Variants in AKT2 observed in about 807,000 individuals in gnomAD.
AKT2 encodes the protein RAC-beta serine/threonine-protein kinase.
AKT2 carries 16 observed loss-of-function variants against 58.6 expected under a neutral mutation model. The observed-to-expected ratio is 0.27, with a 90% CI of 0.18 to 0.41. The LOEUF (loss-of-function observed/expected upper bound fraction) is 0.41. Ranked by LOEUF, AKT2 falls within the 10% of genes least tolerant of loss-of-function variation. AKT2 has a pLI of 1.00. For missense variants in AKT2, 438 were observed against 661.0 expected (o/e 0.66, Z 3.70); for synonymous variants, 253 against 254.0 (o/e 1.00, Z 0.04).
chr19:40,241,627 G>A (rs1974411314), intron 6 of AKT2: 1 of 430,300 alleles, frequency 2.3e-6, no homozygotes. Context: ...GCAAAGCCCG[G>A]GACTCCCCAA....
chr19:40,276,345 CTTTTTTTTTTTTTTTTTTTTTTTTTTT>C (rs748551877), intron 1 of AKT2, among the ~76,000 whole-genome samples: 19 of 58,458 alleles, frequency 3.3e-4, no homozygotes, highest in Non-Finnish European at 6.0e-4. Context: ...AAAATGGAAT[CTTTTTTTTTTTTTTTTTTTTTTTTTTT>C]TTTTTTTTTT....
chr19:40,249,444 G>A (rs1346284593), intron 4 of AKT2, among the ~76,000 whole-genome samples: 2 of 152,162 alleles, frequency 1.3e-5, no homozygotes, highest in African/African-American at 2.4e-5. Flanking sequence ...GGAGAGACAC[G>A]GCAGCTGGCC....
In AKT2 at chr19:40,233,863, G is replaced by A. The variant is rs79275829; in HGVS notation, c.*9C>T. 9.7e-3 allele frequency: 15,627 copies of A among 1,610,172 alleles called. 115 individuals are homozygous for A. Among genetic ancestry groups the A allele is most frequent in the Middle Eastern group, 0.028 (169 of 6,054 alleles). ...CAGCGAGCGTGCGTCCTCTGCGTGG[G>A]CAGACTGCTCACTCGCGGATGCTGG... On this transcript the variant is annotated 3_prime_UTR_variant, in exon 14 of 14. Coordinates refer to ENST00000392038, the MANE Select transcript of AKT2 (RefSeq NM_001626.6). The surrounding 1 kb of genome is among the most constrained non-coding windows in gnomAD (Gnocchi z 4.3).
At position 40,235,518 on chromosome 19, in the gene AKT2, G is replaced by A; in HGVS notation, c.1176-168C>T. ...CAGGGAGGGAGCTCACGTGCCCAGG[G>A]TCAGAGCCAGGGAGTCAGCAACCCG... On this transcript the variant is annotated intron_variant, in intron 11 of 13. Transcript: ENST00000392038. This position sits in a 1 kb window ranked among gnomAD's most constrained non-coding sequence, Gnocchi z 6.3. 1.4e-6 allele frequency: 1 copy of A among 723,230 alleles called. No homozygotes were observed. The highest frequency in any genetic ancestry group is 1.6e-5 in the South Asian group (1 of 63,346). 44.8% of individuals were successfully genotyped at this position (723,230 alleles called of 1,614,324 possible).
In AKT2 at chr19:40,239,922, C is replaced by T. The variant is rs778668771; in HGVS notation, c.639+123G>A. On this transcript the variant is annotated intron_variant, in intron 7 of 13. Coordinates refer to ENST00000392038, the MANE Select transcript of AKT2 (RefSeq NM_001626.6). Reference sequence around the variant, plus strand: ...CGGATGACTTGGCAGGGCGCAGCAACACCTTGCCCTGCCCGCCTGGCCTAC... The same window carrying T: ...CGGATGACTTGGCAGGGCGCAGCAATACCTTGCCCTGCCCGCCTGGCCTAC... 1.5e-5 allele frequency: 19 copies of T among 1,234,468 alleles called. No individual in the cohort carries two copies. In the African/African-American group the frequency reaches 2.5e-4, roughly 16 times the overall value. 76.5% of individuals were successfully genotyped at this position (1,234,468 alleles called of 1,614,324 possible). A position where few individuals can be genotyped will look rare whatever the true frequency, so the allele number is the denominator to read the frequency against.
At chr19:40,281,528 TGAA>T (rs1170843103) in intron 1 of AKT2, among the ~76,000 whole-genome samples, 2 of 151,706 alleles carry the variant, frequency 1.3e-5, no homozygotes, top group East Asian at 3.9e-4. Context: ...GCCTGACCTC[TGAA>T]AAGACTCCAG....
chr19:40,265,827 C>T (rs964685069), intron 1 of AKT2, among the ~76,000 whole-genome samples: 2 of 152,162 alleles, frequency 1.3e-5, no homozygotes, highest in Non-Finnish European at 2.9e-5. Flanking sequence ...TCTCTCTCCC[C>T]TCTCCCTTCT....
chr19:40,268,833 A>G (rs1976535403), intron 1 of AKT2: 1 of 152,452 alleles, frequency 6.6e-6, no homozygotes. Flanking sequence ...AGCCAAGAAG[A>G]TGGCTGGCTT....
intron 1 of AKT2, among the ~76,000 whole-genome samples, chr19:40,278,865 C>T (rs553590009): frequency 3.3e-5 from 5 of 150,776 alleles, no homozygotes; most frequent in Admixed American, 2.6e-4. Flanking sequence ...AGAAATAAGG[C>T]CCCAGAGCTC....
chr19:40,245,370 C>T (rs1363007430), intron 4 of AKT2, among the ~76,000 whole-genome samples: 1 of 152,126 alleles, frequency 6.6e-6, no homozygotes, highest in Non-Finnish European at 1.5e-5. Flanking sequence ...AAGACCACGC[C>T]TTTATAAAAA....
chr19:40,258,023 G>A (rs1400357868), intron 2 of AKT2, among the ~76,000 whole-genome samples: 2 of 151,942 alleles, frequency 1.3e-5, no homozygotes, highest in Admixed American at 6.6e-5. Flanking sequence ...GAGGCGAGCG[G>A]ATCACCTGAG....
At chr19:40,258,711 G>A (rs1221808684) in intron 2 of AKT2, among the ~76,000 whole-genome samples, 1 of 150,414 alleles carries the variant, frequency 6.6e-6, no homozygotes, top group African/African-American at 2.4e-5. Flanking sequence ...CTTAACCAAG[G>A]GGGTGAAGGG....
At chr19:40,249,185 G>A (rs532389995) in intron 4 of AKT2, among the ~76,000 whole-genome samples, 1 of 152,174 alleles carries the variant, frequency 6.6e-6, no homozygotes, top group Non-Finnish European at 1.5e-5. Context: ...AAGGGTTTTA[G>A]TCAGGGGGGA....
intron 2 of AKT2, among the ~76,000 whole-genome samples, chr19:40,261,151 A>G (rs1307438116): frequency 2.6e-5 from 4 of 152,238 alleles, no homozygotes; most frequent in African/African-American, 9.6e-5. Flanking sequence ...TTGATCCCCA[A>G]TGCAGCCTCA....
chr19:40,248,703 G>T (rs1974917719), intron 4 of AKT2, among the ~76,000 whole-genome samples: 1 of 152,254 alleles, frequency 6.6e-6, no homozygotes, highest in Non-Finnish European at 1.5e-5. Flanking sequence ...AATGGCTGGA[G>T]CCAACAGAGA....
chr19:40,281,072 C>T (rs1397356885), intron 1 of AKT2, among the ~76,000 whole-genome samples: 1 of 152,182 alleles, frequency 6.6e-6, no homozygotes. Context: ...CCCTTAGGAT[C>T]CATCCTCACC....
At chr19:40,248,793 T>G (rs1343578688) in intron 4 of AKT2, among the ~76,000 whole-genome samples, 2 of 113,728 alleles carry the variant, frequency 1.8e-5, no homozygotes, top group African/African-American at 3.6e-5. Context: ...CAGGGAGGAG[T>G]GGAGGAGATG....
chr19:40,244,868 G>A (rs760021940), intron 4 of AKT2, among the ~76,000 whole-genome samples: 2 of 152,168 alleles, frequency 1.3e-5, no homozygotes, highest in Non-Finnish European at 2.9e-5. Flanking sequence ...AATCCAAGCC[G>A]GGACACCCTG....
intron 1 of AKT2, chr19:40,274,942 C>T (rs1301583962): frequency 7.5e-6 from 3 of 399,314 alleles, no homozygotes; most frequent in Non-Finnish European, 1.5e-5. Flanking sequence ...CAGGGCAGGG[C>T]AGGAGTCCTT....
Sources: allele counts gnomAD v4.1 joint callset (sites outside exome capture counted in the v4.1 genomes callset), GRCh38; gene constraint gnomAD v4.1.1; non-coding constraint Gnocchi (gnomAD v3.1); transcripts MANE v1.5; gene names NCBI Gene and HGNC (gene_info 2026-07-23, HGNC 2026-07-21).